FHOD3: variants seen among roughly 807,000 people sequenced by gnomAD.
The protein encoded by FHOD3 is FH1/FH2 domain-containing protein 3.
A neutral mutation model predicts 173.0 loss-of-function variants in FHOD3; 90 were observed. The ratio of observed to expected loss-of-function variants is 0.52; its 90% CI spans 0.44 to 0.62. The LOEUF is 0.62. Among genes scored for constraint, FHOD3 ranks in the 20% least tolerant of loss-of-function variants. FHOD3 has a pLI of 0.00. For synonymous variants in FHOD3, 828 were observed against 823.0 expected, an observed-to-expected ratio of 1.01 and a Z score of -0.10; for missense variants, 1,945 against 2,034.7, an observed-to-expected ratio of 0.96 and a Z score of 0.85.
At chr18:36,703,918 A>G (rs534617699) in intron 17 of FHOD3, among the ~76,000 whole-genome samples, 44 of 152,158 alleles carry the variant, frequency 2.9e-4, no homozygotes, top group African/African-American at 8.7e-4. Context: ...ATGGGTTCCC[A>G]TCCTGGTTTC....
At chr18:36,649,579 A>G (rs1038068349) in intron 11 of FHOD3, among the ~76,000 whole-genome samples, 174 bp downstream of exon 11, 1 of 152,202 alleles carries the variant, frequency 6.6e-6, no homozygotes, top group Non-Finnish European at 1.5e-5. Context: ...ATACCTGAGC[A>G]TGTTTTCATT....
chr18:36,425,082 G>GA (rs2050170433), intron 3 of FHOD3, among the ~76,000 whole-genome samples: 1 of 152,064 alleles, frequency 6.6e-6, no homozygotes, highest in South Asian at 2.1e-4. Context: ...AATAAGGAAA[G>GA]AAAAAAATTA....
intron 5 of FHOD3, among the ~76,000 whole-genome samples, chr18:36,524,882 A>G (rs1268597686): frequency 1.3e-5 from 2 of 152,324 alleles, no homozygotes; most frequent in East Asian, 3.9e-4. Context: ...TATGTGAGTC[A>G]GTCACTTTGG....
At chr18:36,607,486 C>T (rs934396093) in intron 8 of FHOD3, among the ~76,000 whole-genome samples, 6 of 152,154 alleles carry the variant, frequency 3.9e-5, no homozygotes, top group African/African-American at 1.4e-4. Flanking sequence ...TTTCTCCCAT[C>T]GTCTTGGTGA....
intron 5 of FHOD3, among the ~76,000 whole-genome samples, chr18:36,561,912 A>C (rs2058094023): frequency 6.6e-6 from 1 of 152,160 alleles, no homozygotes; most frequent in African/African-American, 2.4e-5. Flanking sequence ...ATACTTCCCA[A>C]GAATTTAGGT....
rs1335195867 is a variant in FHOD3 at position 36,471,618 on chromosome 18, C to T, written c.338-30314C>T. Among the ~76,000 whole-genome samples, 3 of 152,142 alleles carry T rather than the reference C, an allele frequency of 2.0e-5. 1 individual carries two copies. The highest frequency in any genetic ancestry group is 4.1e-4 in the South Asian group (2 of 4,824). ...CTCCTTTTGTCCAGAGTGCTGACTTCGGAAAGTTCTTCTTGAGGTTTTGGT... is the reference window on the plus strand; with the variant it reads ...CTCCTTTTGTCCAGAGTGCTGACTTTGGAAAGTTCTTCTTGAGGTTTTGGT... On this transcript the variant is annotated intron_variant, in intron 3 of 28. Coordinates refer to ENST00000590592, the MANE Select transcript of FHOD3 (RefSeq NM_001281740.3).
chr18:36,657,121 C>T (rs1376403325), intron 13 of FHOD3, among the ~76,000 whole-genome samples: 2 of 152,180 alleles, frequency 1.3e-5, no homozygotes, highest in African/African-American at 4.8e-5. Flanking sequence ...ACTGGATTCT[C>T]CATGTGCAAG....
intron 2 of FHOD3, among the ~76,000 whole-genome samples, chr18:36,369,783 A>C (rs556340039): frequency 3.9e-5 from 6 of 151,964 alleles, no homozygotes; most frequent in Non-Finnish European, 8.8e-5. Flanking sequence ...GTTAGGTTTT[A>C]GTACTGAGGT....
intron 25 of FHOD3, among the ~76,000 whole-genome samples, chr18:36,758,336 A>G (rs1049974004): frequency 6.6e-6 from 1 of 152,252 alleles, no homozygotes; most frequent in Non-Finnish European, 1.5e-5. Flanking sequence ...TGTTTAATTT[A>G]TGATCAAGAG....
chr18:36,446,143 C>A (rs1406525282), intron 3 of FHOD3, among the ~76,000 whole-genome samples: 1 of 152,198 alleles, frequency 6.6e-6, no homozygotes, highest in Admixed American at 6.5e-5. Flanking sequence ...ATACAGGGCT[C>A]TTCCCCAAGG....
At chr18:36,556,961 G>GT (rs1449375982) in intron 5 of FHOD3, among the ~76,000 whole-genome samples, 4 of 152,052 alleles carry the variant, frequency 2.6e-5, no homozygotes, top group East Asian at 1.9e-4. Flanking sequence ...AGGATGACAG[G>GT]TTTTTTCTCC....
chr18:36,705,572 C>A (rs760973062), intron 17 of FHOD3, among the ~76,000 whole-genome samples: 1 of 152,174 alleles, frequency 6.6e-6, no homozygotes, highest in Non-Finnish European at 1.5e-5. Context: ...AGCTCACTCA[C>A]TTTTGCCACA....
intron 3 of FHOD3, among the ~76,000 whole-genome samples, chr18:36,376,237 C>A (rs1042100404): frequency 3.3e-5 from 5 of 152,134 alleles, no homozygotes; most frequent in South Asian, 4.1e-4. Context: ...GTCGTTAAGA[C>A]CCTAAAGTTA....
intron 3 of FHOD3, among the ~76,000 whole-genome samples, chr18:36,476,713 T>C (rs1162351327): frequency 6.6e-6 from 1 of 152,198 alleles, no homozygotes; most frequent in Non-Finnish European, 1.5e-5. Flanking sequence ...GCAAATTGAA[T>C]TATACATCAA....
At chr18:36,651,268 G>A (rs1046741375) in intron 11 of FHOD3, among the ~76,000 whole-genome samples, 7 of 152,128 alleles carry the variant, frequency 4.6e-5, no homozygotes, top group African/African-American at 1.4e-4. Flanking sequence ...AAAGAAGACA[G>A]CTCACATTCC....
In FHOD3 at chr18:36,411,881, CTT is replaced by C. The variant is rs555066819; in HGVS notation, c.337+39141_337+39142del. 4.1e-3 allele frequency among the ~76,000 whole-genome samples: 621 copies of C among 152,344 alleles called. 3 individuals carry two copies. The highest frequency in any genetic ancestry group is 7.4e-3 in the Admixed American group (113 of 15,304). ...TTTGGGAGATTGACCTGCCCACTGG[CTT>C]TTTCTCTTTGGGTAGCTGCTGCTCC... is the stretch of plus-strand genomic sequence containing the variant. On this transcript the variant is annotated intron_variant, in intron 3 of 28. Coordinates refer to ENST00000590592, the MANE Select transcript of FHOD3 (RefSeq NM_001281740.3).
chr18:36,778,727 C>T lies in FHOD3; in HGVS notation c.4787-721C>T, dbSNP rs2043873785. The T allele has an allele frequency of 3.3e-5, 5 of 152,294 alleles. No homozygotes were observed. The South Asian group carries it at 8.3e-4, about 25-fold the overall frequency. The allele number at this position is 152,294 out of a possible 1,614,324, so 9.4% of individuals were successfully genotyped here. On this transcript the variant is annotated intron_variant, in intron 28 of 28. Transcript: ENST00000590592. ...TGTGTGTTCCATAGAAAACAGCCAC[C>T]AATTCCAGCCAGAATAAGTTTGGCA... is the stretch of plus-strand genomic sequence containing the variant.
chr18:36,477,551 CT>C (rs2053650708), intron 3 of FHOD3, among the ~76,000 whole-genome samples: 1 of 70,172 alleles, frequency 1.4e-5, no homozygotes. Context: ...ACCCACCTAC[CT>C]ACCTACCTAC....
chr18:36,742,955 C>CA, intron 22 of FHOD3, 99 bp downstream of exon 22: 1 of 1,444,018 alleles, frequency 6.9e-7, no homozygotes, highest in African/African-American at 1.4e-5. Flanking sequence ...CCCCAAAGCA[C>CA]AGTGGAACAA....
Sources: allele counts gnomAD v4.1 joint callset (sites outside exome capture counted in the v4.1 genomes callset), GRCh38; gene constraint gnomAD v4.1.1; transcripts MANE v1.5; gene names NCBI Gene and HGNC (gene_info 2026-07-23, HGNC 2026-07-21).